ZP2: variants seen among roughly 807,000 people sequenced by gnomAD.
The protein encoded by ZP2 is zona pellucida sperm-binding protein 2.
In ZP2, 51 loss-of-function variants were observed where a neutral mutation model predicts 84.0. The observed-to-expected ratio is 0.61, with a 90% CI of 0.49 to 0.77. The LOEUF (loss-of-function observed/expected upper bound fraction) is 0.77. ZP2 is among the 30% of genes least tolerant of loss of function. ZP2 has a pLI of 0.00. For missense variants in ZP2, 909 were observed against 911.9 expected (o/e 1.00, Z 0.04); for synonymous variants, 375 against 330.9 (o/e 1.13, Z -1.45).
chr16:21,210,216 G>C (rs754846125), intron 2 of ZP2, 24 bp from the exon 3 acceptor site: 1 of 1,595,836 alleles, frequency 6.3e-7, no homozygotes, highest in South Asian at 1.1e-5. Flanking sequence ...GAAGCATTTG[G>C]GGGCTTTGAG....
intron 4 of ZP2, 30 bp from the exon 5 acceptor site, chr16:21,207,020 G>A: frequency 6.2e-7 from 1 of 1,613,062 alleles, no homozygotes; most frequent in Non-Finnish European, 8.5e-7. Context: ...TGGGAACAGA[G>A]TAAGTACTGT....
intron 7 of ZP2, among the ~76,000 whole-genome samples, chr16:21,204,639 G>C (rs930476065): frequency 2.6e-5 from 4 of 152,178 alleles, no homozygotes; most frequent in Admixed American, 6.5e-5. Flanking sequence ...CTTCTAGGCA[G>C]ATAAGATCTG....
At chr16:21,213,692 C>A (rs185375562), upstream of ZP2, among the ~76,000 whole-genome samples, 415 of 152,224 alleles carry the variant, frequency 2.7e-3, 1 homozygote, top group Non-Finnish European at 4.4e-3. Context: ...AACCTCCTTA[C>A]GGGAATTGAG....
upstream of ZP2, chr16:21,214,333 C>T (rs1362102210): frequency 1.0e-6 from 1 of 970,568 alleles, no homozygotes; most frequent in African/African-American, 1.8e-5. Context: ...AAGCTACCAT[C>T]TGTTCAGCAA....
At position 21,201,833 on chromosome 16, in the gene ZP2, G is replaced by A. The variant is rs1441264596; in HGVS notation, c.1380-3C>T. The A allele has an allele frequency of 3.7e-6, 6 of 1,614,074 alleles. No individual in the cohort carries two copies. The highest frequency in any genetic ancestry group is 1.7e-5 in the Admixed American group (1 of 60,000). On this transcript the variant is annotated splice_region_variant and splice_polypyrimidine_tract_variant and intron_variant, in intron 12 of 18. Coordinates refer to ENST00000574091, the MANE Select transcript of ZP2 (RefSeq NM_001376232.1). ...TATAAGAACACTTCACTGTCATTCT[G>A]TAAGAGTTTGGAGGGAAGGTAGGTA...
chr16:21,211,161 GAAGA>G, intron 2 of ZP2, 142 bp downstream of exon 2: 2 of 714,464 alleles, frequency 2.8e-6, no homozygotes, highest in Non-Finnish European at 4.8e-6. Context: ...CAGGTTAGCA[GAAGA>G]AAGATCCAGT....
chr16:21,207,174 G>A (rs1227499733), intron 4 of ZP2, among the ~76,000 whole-genome samples, 184 bp from the exon 5 acceptor site: 1 of 152,172 alleles, frequency 6.6e-6, no homozygotes, highest in Non-Finnish European at 1.5e-5. Flanking sequence ...GAAGACTCAT[G>A]CTGATAGGCC....
At chr16:21,205,359 G>T in intron 7 of ZP2, 61 bp downstream of exon 7, 2 of 1,567,846 alleles carry the variant, frequency 1.3e-6, no homozygotes, top group Non-Finnish European at 1.7e-6. Context: ...TTGAGATCAT[G>T]CTTCAATTTA....
chr16:21,207,671 C>T (rs973825980), intron 4 of ZP2, among the ~76,000 whole-genome samples: 2 of 83,060 alleles, frequency 2.4e-5, no homozygotes, highest in African/African-American at 1.1e-4. Flanking sequence ...CACACACACA[C>T]ACACACACAC....
In ZP2 at chr16:21,199,999, A is replaced by G. The variant is rs765780371; in HGVS notation, c.1695-121T>C. On this transcript the variant is annotated intron_variant, in intron 14 of 18. Coordinates refer to ENST00000574091, the MANE Select transcript of ZP2 (RefSeq NM_001376232.1). ...ACTATTGCCATATTTACCTTCTACC[A>G]GCACCTTTGTTTTACTCAGCATTTC... is the stretch of plus-strand genomic sequence containing the variant. The G allele has an allele frequency of 1.5e-4, 196 of 1,293,698 alleles. 1 individual carries two copies. The highest frequency in any genetic ancestry group is 2.0e-4 in the Admixed American group (10 of 49,616). 80.1% of individuals were successfully genotyped at this position (1,293,698 alleles called of 1,614,324 possible). A position where few individuals can be genotyped will look rare whatever the true frequency, so the allele number is the denominator to read the frequency against.
At position 21,202,133 on chromosome 16, in the gene ZP2, G is replaced by T. The variant is rs765444754; in HGVS notation, c.1258C>A (p.Pro420Thr). 2 of 1,613,122 alleles carry T rather than the reference G, an allele frequency of 1.2e-6. No individual in the cohort carries two copies. The highest frequency in any genetic ancestry group is 3.3e-5 in the Admixed American group (2 of 59,766). Residue 420 changes from proline to threonine, a missense_variant, in exon 11 of 19, where the codon CCC becomes ACC. By Grantham distance (38) the Pro-to-Thr change is conservative. Coordinates refer to ENST00000574091, the MANE Select transcript of ZP2 (RefSeq NM_001376232.1). ...TATCTCGTTCCACATCCATTCAGGG[G>T]TATGTGGAACCGTACCAGCCCCTGA... is the stretch of plus-strand genomic sequence containing the variant. Reference protein sequence around the residue: ...QSQGLVRFHIPLNGCGTRYKF... With the variant: ...QSQGLVRFHITLNGCGTRYKF...
At chr16:21,211,609 G>A (rs1042814642), upstream of ZP2, 3 of 1,611,712 alleles carry the variant, frequency 1.9e-6, no homozygotes, top group Non-Finnish European at 1.7e-6. Flanking sequence ...TTTATAGCAG[G>A]AAGCCAGCCG....
chr16:21,209,583 T>G (rs531790896), intron 4 of ZP2, 48 bp downstream of exon 4: 3 of 1,557,332 alleles, frequency 1.9e-6, no homozygotes, highest in Non-Finnish European at 2.7e-6. Context: ...CCAGTAACTC[T>G]TAGGTTACTA....
chr16:21,201,330 G>T (rs763530848), intron 14 of ZP2, 39 bp downstream of exon 14: 5 of 1,495,780 alleles, frequency 3.3e-6, no homozygotes, highest in Non-Finnish European at 4.5e-6. Flanking sequence ...AAGTTTTGAT[G>T]GATTAGCTGG....
At chr16:21,212,831 A>G (rs71374853), upstream of ZP2, among the ~76,000 whole-genome samples, 1 of 152,222 alleles carries the variant, frequency 6.6e-6, no homozygotes, top group South Asian at 2.1e-4. Context: ...ACTTGCCCCA[A>G]CAATGTCAGG....
chr16:21,210,117 G>T lies in ZP2; in HGVS notation c.227C>A (p.Ser76Tyr), dbSNP rs1370526548. The T allele has an allele frequency of 6.2e-7, 1 of 1,613,966 alleles. No homozygotes were observed. The highest frequency in any genetic ancestry group is 1.7e-5 in the Admixed American group (1 of 59,990). ...SSPGTKKWHASVVDPLGLDMP... is the reference protein window; with the variant it reads ...SSPGTKKWHAYVVDPLGLDMP... Reference sequence around the variant, plus strand: ...TAACACACGTTACCTACCCACCACAGATGCATGCCATTTCTTGGTGCCAGG... The same window carrying T: ...TAACACACGTTACCTACCCACCACATATGCATGCCATTTCTTGGTGCCAGG... The change falls in exon 3 of 19, where the codon TCT becomes TAT. Residue 76 changes from serine (S) to tyrosine (Y), a missense_variant. Physicochemically the swap from Ser to Tyr is moderately radical, Grantham distance 144 (BLOSUM62 -2). Transcript: ENST00000574091.
upstream of ZP2, chr16:21,214,307 G>A (rs2093284266): frequency 2.0e-6 from 2 of 985,022 alleles, no homozygotes; most frequent in Non-Finnish European, 1.2e-6. Context: ...CTAGGATTCT[G>A]CTCCGGAAAA....
intron 4 of ZP2, among the ~76,000 whole-genome samples, chr16:21,207,649 C>T (rs1052566461): frequency 1.7e-5 from 1 of 59,094 alleles, no homozygotes; most frequent in African/African-American, 9.9e-5. Context: ...CACACACACA[C>T]ACACACACAC....
chr16:21,214,142 C>A (rs761828241), upstream of ZP2: 15 of 730,544 alleles, frequency 2.1e-5, no homozygotes, highest in Non-Finnish European at 2.5e-5. Flanking sequence ...AGCACAGAGA[C>A]CCCAAGCAGG....
Sources: allele counts gnomAD v4.1 joint callset (sites outside exome capture counted in the v4.1 genomes callset), GRCh38; gene constraint gnomAD v4.1.1; transcripts MANE v1.5; gene names NCBI Gene and HGNC (gene_info 2026-07-23, HGNC 2026-07-21).